The following GRIK4 variants were observed in gnomAD, a reference collection of about 807,000 sequenced individuals.
GRIK4 encodes the protein glutamate receptor ionotropic, kainate 4.
In GRIK4, 40 loss-of-function variants were observed where a neutral mutation model predicts 104.9. The ratio of observed to expected loss-of-function variants is 0.38; its 90% CI spans 0.30 to 0.50. GRIK4 has a LOEUF of 0.50. GRIK4 is among the 20% of genes least tolerant of loss of function. The probability of loss-of-function intolerance (pLI) is 0.93; values close to 1 mark genes in which losing one functional copy is unlikely to be tolerated. For missense variants in GRIK4, 1,047 were observed against 1,308.1 expected (o/e 0.80, Z 3.08); for synonymous variants, 485 against 524.9 (o/e 0.92, Z 1.04).
intron 3 of GRIK4, among the ~76,000 whole-genome samples, chr11:120,733,571 T>A (rs1308176920): frequency 1.4e-5 from 1 of 73,634 alleles, no homozygotes; most frequent in African/African-American, 5.4e-5. Context: ...ATGACAACAC[T>A]GAATGCACAA....
rs1358581090 is a variant in GRIK4 at position 120,905,696 on chromosome 11, C to A, written c.1476+203C>A. ...TGGATAAGCCTGCAATGATCCCTAT[C>A]CCGTGGCTTTCCCAGTCCAGAGCCT... is the stretch of plus-strand genomic sequence containing the variant. On this transcript the variant is annotated intron_variant, in intron 13 of 20. Coordinates refer to ENST00000527524, the MANE Select transcript of GRIK4 (RefSeq NM_014619.5). This position sits in a 1 kb window ranked among gnomAD's most constrained non-coding sequence, Gnocchi z 5.1. Among the ~76,000 whole-genome samples, 1 of 152,218 alleles carries A rather than the reference C, an allele frequency of 6.6e-6. No individual in the cohort carries two copies. The highest frequency in any genetic ancestry group is 1.5e-5 in the Non-Finnish European group (1 of 68,040).
chr11:120,599,694 G>C (rs1948856516), intron 1 of GRIK4, among the ~76,000 whole-genome samples: 1 of 152,218 alleles, frequency 6.6e-6, no homozygotes, highest in South Asian at 2.1e-4. Flanking sequence ...CAGTTTCAAG[G>C]CTGCCAGCTT....
chr11:120,668,923 G>A (rs1046575585), intron 3 of GRIK4, among the ~76,000 whole-genome samples: 2 of 152,148 alleles, frequency 1.3e-5, no homozygotes, highest in African/African-American at 4.8e-5. Flanking sequence ...AAGCACTTAG[G>A]ATGGTGTCAG....
At chr11:120,642,860 T>C (rs1203413461) in intron 1 of GRIK4, among the ~76,000 whole-genome samples, 3 of 152,198 alleles carry the variant, frequency 2.0e-5, no homozygotes, top group African/African-American at 4.8e-5. Context: ...TGAATTATTA[T>C]AACATTCAAT....
intron 3 of GRIK4, among the ~76,000 whole-genome samples, chr11:120,747,941 A>G (rs1951474333): frequency 1.3e-5 from 2 of 152,216 alleles, no homozygotes; most frequent in Admixed American, 6.5e-5. Context: ...CGTGATGAGT[A>G]AACTTGACTA....
intron 1 of GRIK4, among the ~76,000 whole-genome samples, chr11:120,600,496 A>T (rs137862557): frequency 5.9e-5 from 9 of 152,268 alleles, no homozygotes; most frequent in Non-Finnish European, 8.8e-5. Context: ...AGCAAAGCCC[A>T]CCTGGTTTTT....
rs1252073820 is a variant in GRIK4, at chr11:120,885,349, A to AGAAGAG, written c.1164+10111_1164+10116dup. ...GTGAGATTTTCAACTATGCAAGAAA[A>AGAAGAG]GAAGAGGAAGTTGGGGTGTAGGCAA... On this transcript the variant is annotated intron_variant, in intron 11 of 20. Transcript: ENST00000527524. 3.9e-5 allele frequency among the ~76,000 whole-genome samples: 6 copies of AGAAGAG among 152,298 alleles called. No individual in the cohort carries two copies. The East Asian group carries it at 1.2e-3, about 29-fold the overall frequency.
At chr11:120,820,032 T>C in intron 6 of GRIK4, 112 bp downstream of exon 6, 1 of 955,878 alleles carries the variant, frequency 1.0e-6, no homozygotes, top group Non-Finnish European at 1.6e-6. Flanking sequence ...TTCCTTCAGA[T>C]CCACAGGGCT....
chr11:120,556,307 C>G (rs1177014588), intron 1 of GRIK4, among the ~76,000 whole-genome samples: 2 of 152,114 alleles, frequency 1.3e-5, no homozygotes, highest in East Asian at 3.8e-4. Flanking sequence ...CAAAAATACC[C>G]CAAATCTAAC....
At chr11:120,869,374 C>T (rs1954530504) in intron 9 of GRIK4, 1 of 152,368 alleles carries the variant, frequency 6.6e-6, no homozygotes, top group Non-Finnish European at 1.5e-5. Flanking sequence ...TTTCACCCCT[C>T]TGAAGGCCAC....
At chr11:120,681,881 T>C (rs1378474920) in intron 3 of GRIK4, among the ~76,000 whole-genome samples, 1 of 152,158 alleles carries the variant, frequency 6.6e-6, no homozygotes, top group Non-Finnish European at 1.5e-5. Flanking sequence ...TCAGAAGTGC[T>C]CCGGGTAAAG....
chr11:120,962,564 A>C lies in GRIK4; in HGVS notation c.2149A>C (p.Asn717His). The C allele has an allele frequency of 6.2e-7, 1 of 1,614,078 alleles. No individual in the cohort carries two copies. ...EEGIARVLNS[N>H]YAFLLESTMN... ...GGGAATCGCCAGGGTGTTGAATTCC[A>C]ACTACGCCTTCCTCCTGGAATCCAC... Residue 717 changes from asparagine (N) to histidine (H), a missense_variant, in exon 18 of 21, where the codon AAC becomes CAC. Physicochemically the swap from Asn to His is moderately conservative, Grantham distance 68 (BLOSUM62 1). This residue lies in a region of GRIK4 where 440 missense variants were observed against 652.3 expected (regional missense o/e 0.67). Coordinates refer to ENST00000527524, the MANE Select transcript of GRIK4 (RefSeq NM_014619.5).
At chr11:120,687,911 G>A (rs1361984103) in intron 3 of GRIK4, among the ~76,000 whole-genome samples, 1 of 152,152 alleles carries the variant, frequency 6.6e-6, no homozygotes, top group East Asian at 1.9e-4. Flanking sequence ...GAGACTTTCG[G>A]CTGAGATTTT....
At chr11:120,565,984 C>T (rs1407618130) in intron 1 of GRIK4, among the ~76,000 whole-genome samples, 1 of 152,176 alleles carries the variant, frequency 6.6e-6, no homozygotes, top group Admixed American at 6.5e-5. Context: ...GTTTCCTACC[C>T]CTTGAGCCGT....
chr11:120,518,146 C>G (rs546350715), intron 1 of GRIK4, among the ~76,000 whole-genome samples: 17 of 152,226 alleles, frequency 1.1e-4, no homozygotes, highest in Admixed American at 3.3e-4. Flanking sequence ...ATTGCTCCCC[C>G]TGAGGCTGTG....
intron 1 of GRIK4, among the ~76,000 whole-genome samples, chr11:120,582,430 T>G (rs1210826401): frequency 5.9e-5 from 9 of 152,116 alleles, no homozygotes; most frequent in Non-Finnish European, 1.2e-4. Context: ...GTATAGTACC[T>G]GATAGGTAGT....
chr11:120,764,584 G>A (rs1469641752), intron 3 of GRIK4, among the ~76,000 whole-genome samples: 1 of 141,208 alleles, frequency 7.1e-6, no homozygotes, highest in Admixed American at 7.0e-5. Context: ...GTTGATACCA[G>A]TTTTTTGTTT....
intron 8 of GRIK4, among the ~76,000 whole-genome samples, chr11:120,855,187 A>G (rs1316338558): frequency 6.6e-6 from 1 of 152,212 alleles, no homozygotes; most frequent in Non-Finnish European, 1.5e-5. Context: ...GACAGCTCTC[A>G]GCAGAAGTTG....
At chr11:120,909,650 C>T (rs1281446287) in intron 13 of GRIK4, among the ~76,000 whole-genome samples, 1 of 152,168 alleles carries the variant, frequency 6.6e-6, no homozygotes, top group Non-Finnish European at 1.5e-5. Context: ...ATTGAAACTG[C>T]AGCAGAAGCA....
Sources: allele counts gnomAD v4.1 joint callset (sites outside exome capture counted in the v4.1 genomes callset), GRCh38; gene constraint gnomAD v4.1.1; regional missense constraint gnomAD v4.1.1; non-coding constraint Gnocchi (gnomAD v3.1); transcripts MANE v1.5; gene names NCBI Gene and HGNC (gene_info 2026-07-23, HGNC 2026-07-21).